The following EPHA6 variants were observed in gnomAD, a reference collection of about 807,000 sequenced individuals.
The protein encoded by EPHA6 is EPH receptor A6.
A neutral mutation model predicts 112.0 loss-of-function variants in EPHA6; 50 were observed. The ratio of observed to expected loss-of-function variants is 0.45; its 90% confidence interval spans 0.36 to 0.56. The LOEUF (loss-of-function observed/expected upper bound fraction) is 0.56, where lower values mean the gene tolerates loss of function less well. Among genes scored for constraint, EPHA6 ranks in the 20% least tolerant of loss-of-function variants. The pLI, the probability that EPHA6 is intolerant of heterozygous loss-of-function variation, is 0.00. For synonymous variants in EPHA6, 529 were observed against 490.7 expected (o/e 1.08, Z -1.03); for missense variants, 1,280 against 1,417.4 (o/e 0.90, Z 1.56).
At chr3:97,745,259 C>A in intron 16 of EPHA6, 1 of 357,546 alleles carries the variant, frequency 2.8e-6, no homozygotes, top group East Asian at 8.8e-5. Flanking sequence ...ACATAAACAC[C>A]TCTAGGAAAC....
intron 2 of EPHA6, among the ~76,000 whole-genome samples, chr3:96,887,772 C>T (rs2037716424): frequency 6.6e-6 from 1 of 152,072 alleles, no homozygotes; most frequent in Non-Finnish European, 1.5e-5. Context: ...GCTGTGGCTA[C>T]TGTTGGGGAT....
chr3:97,239,586 T>C (rs915407402), intron 4 of EPHA6, among the ~76,000 whole-genome samples: 1 of 151,828 alleles, frequency 6.6e-6, no homozygotes, highest in Admixed American at 6.6e-5. Context: ...AAGAAAATCG[T>C]AAAGGAAGAT....
chr3:97,023,672 T>G (rs1472768800), intron 3 of EPHA6, among the ~76,000 whole-genome samples: 1 of 151,964 alleles, frequency 6.6e-6, no homozygotes, highest in African/African-American at 2.4e-5. Context: ...TTTTTTTTTT[T>G]ACTATTTTAC....
chr3:97,304,327 T>C (rs2081220777), intron 5 of EPHA6, among the ~76,000 whole-genome samples: 3 of 151,958 alleles, frequency 2.0e-5, no homozygotes. Context: ...GTGCCAGTTT[T>C]CAAGGAAAGG....
intron 5 of EPHA6, among the ~76,000 whole-genome samples, chr3:97,331,300 A>G (rs1326853184): frequency 6.6e-6 from 1 of 152,194 alleles, no homozygotes; most frequent in African/African-American, 2.4e-5. Context: ...AAAGCAGGAA[A>G]GATCTGAAAT....
chr3:97,616,979 A>T (rs574862136), intron 13 of EPHA6, among the ~76,000 whole-genome samples: 3 of 152,146 alleles, frequency 2.0e-5, no homozygotes, highest in Non-Finnish European at 2.9e-5. Flanking sequence ...ACACATAATC[A>T]TCAGATTCTC....
At chr3:96,970,268 A>AAC (rs922215101) in intron 2 of EPHA6, among the ~76,000 whole-genome samples, 25 of 120,888 alleles carry the variant, frequency 2.1e-4, no homozygotes, top group Admixed American at 2.7e-4. Context: ...CACACACACA[A>AAC]ACACACACAC....
At chr3:96,919,914 A>G (rs1334627319) in intron 2 of EPHA6, among the ~76,000 whole-genome samples, 1 of 151,902 alleles carries the variant, frequency 6.6e-6, no homozygotes, top group Non-Finnish European at 1.5e-5. Flanking sequence ...TCCTTTGCTA[A>G]TTACCCAGTT....
intron 5 of EPHA6, among the ~76,000 whole-genome samples, chr3:97,396,190 T>A (rs1194458406): frequency 1.3e-5 from 2 of 151,320 alleles, no homozygotes; most frequent in African/African-American, 2.4e-5. Context: ...ATATTAAGAT[T>A]TTCATTGTCA....
Position 96,994,732 on chromosome 3 carries a change from T to TATATATATAGAGAG in EPHA6, c.1114+6740_1114+6741insTATATATAGAGAGA, listed in dbSNP as rs1170197805. 2.9e-4 allele frequency among the ~76,000 whole-genome samples: 24 copies of TATATATATAGAGAG among 82,198 alleles called. 1 individual carries two copies. The highest frequency in any genetic ancestry group is 0.013 in the Middle Eastern group (2 of 156). 53.9% of individuals were successfully genotyped at this position (82,198 alleles called of 152,430 possible). ...GTGTATATATATATATATATATATA[T>TATATATATAGAGAG]AGAGAGAGAGAGAGAGAGAGAGAGA... On this transcript the variant is annotated intron_variant, in intron 3 of 17. Transcript: ENST00000389672.
intron 3 of EPHA6, among the ~76,000 whole-genome samples, chr3:97,058,119 A>T (rs1258311129): frequency 4.6e-5 from 7 of 152,172 alleles, no homozygotes; most frequent in Admixed American, 4.6e-4. Context: ...TAACTATGTC[A>T]TTATAAAATT....
intron 7 of EPHA6, among the ~76,000 whole-genome samples, chr3:97,450,913 G>T (rs1217552415): frequency 6.6e-6 from 1 of 152,088 alleles, no homozygotes; most frequent in East Asian, 1.9e-4. Context: ...TGGCAGCATA[G>T]TGAAGATGAC....
chr3:96,954,963 G>T (rs1214718859), intron 2 of EPHA6, among the ~76,000 whole-genome samples: 4 of 151,148 alleles, frequency 2.6e-5, no homozygotes, highest in Admixed American at 2.6e-4. Flanking sequence ...ATGCTATCTG[G>T]CACATAACAG....
At chr3:97,295,744 A>G (rs568021940) in intron 5 of EPHA6, among the ~76,000 whole-genome samples, 1 of 151,804 alleles carries the variant, frequency 6.6e-6, no homozygotes, top group African/African-American at 2.4e-5. Flanking sequence ...TTGGCTGCAT[A>G]GGTCACTTCA....
intron 2 of EPHA6, among the ~76,000 whole-genome samples, chr3:96,949,078 G>C (rs2041414979): frequency 6.6e-6 from 1 of 152,082 alleles, no homozygotes; most frequent in Non-Finnish European, 1.5e-5. Flanking sequence ...CCTATTGTCT[G>C]TTGCACTTGA....
chr3:97,654,110 G>A (rs1201339571), intron 14 of EPHA6, among the ~76,000 whole-genome samples: 1 of 151,126 alleles, frequency 6.6e-6, no homozygotes, highest in East Asian at 1.9e-4. Flanking sequence ...TTGTTAAAAG[G>A]GTAGATCTTA....
At chr3:97,562,305 T>G (rs890787091) in intron 11 of EPHA6, among the ~76,000 whole-genome samples, 1 of 152,166 alleles carries the variant, frequency 6.6e-6, no homozygotes, top group Non-Finnish European at 1.5e-5. Context: ...TATTTTTAGA[T>G]GCCATTAGGA....
chr3:97,111,890 G>T (rs2047735119), intron 3 of EPHA6, among the ~76,000 whole-genome samples: 1 of 152,192 alleles, frequency 6.6e-6, no homozygotes, highest in East Asian at 1.9e-4. Flanking sequence ...AAAGGTTACA[G>T]CCTTGGGCTC....
chr3:97,039,118 A>T (rs1188692579), intron 3 of EPHA6, among the ~76,000 whole-genome samples: 1 of 152,010 alleles, frequency 6.6e-6, no homozygotes, highest in Non-Finnish European at 1.5e-5. Context: ...TCTTATTATC[A>T]ACAACATAGA....
Sources: allele counts gnomAD v4.1 joint callset (sites outside exome capture counted in the v4.1 genomes callset), GRCh38; gene constraint gnomAD v4.1.1; transcripts MANE v1.5; gene names NCBI Gene and HGNC (gene_info 2026-07-23, HGNC 2026-07-21).